The following BANK1 variants were observed in gnomAD, a reference collection of about 807,000 sequenced individuals.
The protein encoded by BANK1 is B-cell scaffold protein with ankyrin repeats.
A neutral mutation model predicts 94.5 loss-of-function variants in BANK1; 95 were observed. That is an observed-to-expected ratio of 1.00 (90% CI 0.85 to 1.19). The LOEUF (loss-of-function observed/expected upper bound fraction) is 1.19, where lower values mean the gene tolerates loss of function less well. Ranked by LOEUF, BANK1 falls within the 50% of genes most tolerant of loss-of-function variation. BANK1 has a pLI of 0.00. For synonymous variants in BANK1, 334 were observed against 308.4 expected (o/e 1.08, Z -0.87); for missense variants, 987 against 932.2 (o/e 1.06, Z -0.77).
chr4:101,855,267 C>G, intron 3 of BANK1, 78 bp downstream of exon 3: 1 of 1,436,808 alleles, frequency 7.0e-7, no homozygotes, highest in Non-Finnish European at 9.4e-7. Flanking sequence ...TTTGGAGAGA[C>G]AGGGTCTCAT....
At chr4:102,035,029 G>T (rs1727452101) in intron 10 of BANK1, among the ~76,000 whole-genome samples, 1 of 152,146 alleles carries the variant, frequency 6.6e-6, no homozygotes. Flanking sequence ...TAGAAACTCT[G>T]AATATTTGGT....
At position 102,074,518 on chromosome 4, in the gene BANK1, T is replaced by C. The variant is rs1728861354; in HGVS notation, c.*519T>C. The C allele has an allele frequency of 6.6e-6, 1 of 152,076 alleles. No individual in the cohort carries two copies. The highest frequency in any genetic ancestry group is 2.4e-5 in the African/African-American group (1 of 41,456). The allele number at this position is 152,076 out of a possible 1,614,324, so 9.4% of individuals were successfully genotyped here. A position where few individuals can be genotyped will look rare whatever the true frequency, so the allele number is the denominator to read the frequency against. On this transcript the variant is annotated 3_prime_UTR_variant, in exon 17 of 17. Coordinates refer to ENST00000322953, the MANE Select transcript of BANK1 (RefSeq NM_017935.5). ...CATGTTTGCAGAAACCTTGTCTTAT[T>C]TAGTGTCTATTTGCATATAACCCTG... is the stretch of plus-strand genomic sequence containing the variant.
At chr4:101,944,016 GTGTGTT>G (rs1282908802) in intron 7 of BANK1, among the ~76,000 whole-genome samples, 1 of 141,510 alleles carries the variant, frequency 7.1e-6, no homozygotes, top group Non-Finnish European at 1.6e-5. Context: ...AAATGTGTGT[GTGTGTT>G]TGTGTGTGTG....
At chr4:101,962,736 G>A (rs150321887) in intron 7 of BANK1, among the ~76,000 whole-genome samples, 8 of 151,958 alleles carry the variant, frequency 5.3e-5, no homozygotes, top group Non-Finnish European at 8.8e-5. Flanking sequence ...ATATACATTC[G>A]TTTCTATTTA....
intron 6 of BANK1, among the ~76,000 whole-genome samples, chr4:101,902,120 A>T (rs1402269375): frequency 6.6e-6 from 1 of 152,102 alleles, no homozygotes; most frequent in Non-Finnish European, 1.5e-5. Context: ...GACTTGTGTC[A>T]TCTTGGAAGC....
At chr4:102,039,181 T>A (rs1727624383) in intron 10 of BANK1, among the ~76,000 whole-genome samples, 1 of 152,132 alleles carries the variant, frequency 6.6e-6, no homozygotes, top group African/African-American at 2.4e-5. Flanking sequence ...TTATACTATG[T>A]GGCTGATGTG....
At position 101,811,931 on chromosome 4, in the gene BANK1, G is replaced by T. The variant is rs147808591; in HGVS notation, c.71-17877G>T. On this transcript the variant is annotated intron_variant, in intron 1 of 16. Coordinates refer to ENST00000322953, the MANE Select transcript of BANK1 (RefSeq NM_017935.5). The stretch of plus-strand genomic sequence containing the variant: ...AAGTTTTTTTAAGGGCAGGAATTGG[G>T]CTTTATAATCTTTTATCTCTTAAAG... Among the ~76,000 whole-genome samples the T allele has an allele frequency of 6.2e-3, 937 of 151,816 alleles. 16 individuals carry two copies. Among genetic ancestry groups the T allele is most frequent in the African/African-American group, 0.021 (891 of 41,454 alleles).
At chr4:101,872,637 G>A (rs967457585) in intron 5 of BANK1, among the ~76,000 whole-genome samples, 8 of 152,106 alleles carry the variant, frequency 5.3e-5, no homozygotes, top group Admixed American at 5.2e-4. Context: ...CTCCTTCAGG[G>A]CATTTGGTTT....
chr4:101,854,356 C>T (rs1469521457), intron 2 of BANK1, among the ~76,000 whole-genome samples: 1 of 152,082 alleles, frequency 6.6e-6, no homozygotes, highest in East Asian at 1.9e-4. Context: ...AGACTAAATG[C>T]TAAATTACTG....
At position 101,870,488 on chromosome 4, in the gene BANK1, TG is replaced by T. The variant is rs773633108; in HGVS notation, c.764-16del. ...CATTATATACTCTGCCCCTAACCCT[TG>T]TTTGTTTTTCATAAGAGTTTCCTGC... On this transcript the variant is annotated splice_polypyrimidine_tract_variant and intron_variant, in intron 4 of 16. Coordinates refer to ENST00000322953, the MANE Select transcript of BANK1 (RefSeq NM_017935.5). 3 of 1,607,128 alleles carry T rather than the reference TG, an allele frequency of 1.9e-6. No individual in the cohort carries two copies. The Admixed American group carries it at 5.1e-5, about 27-fold the overall frequency.
At chr4:101,985,483 T>G (rs931125987) in intron 7 of BANK1, among the ~76,000 whole-genome samples, 1 of 152,138 alleles carries the variant, frequency 6.6e-6, no homozygotes, top group African/African-American at 2.4e-5. Context: ...TTTTCAAAAT[T>G]TATTACTACT....
Position 102,055,469 on chromosome 4 carries a change from C to T in BANK1, c.1970-4742C>T, listed in dbSNP as rs531861903. ...GCCTACTATTAATATTTTTACTTAC[C>T]ATTATCCTGGAAGTTTCTAGCAACT... is the stretch of plus-strand genomic sequence containing the variant. On this transcript the variant is annotated intron_variant, in intron 11 of 16. Coordinates refer to ENST00000322953, the MANE Select transcript of BANK1 (RefSeq NM_017935.5). Among the ~76,000 whole-genome samples, 38 of 151,900 alleles carry T rather than the reference C, an allele frequency of 2.5e-4. 1 individual carries two copies. The South Asian group carries it at 7.9e-3, about 31-fold the overall frequency.
intron 14 of BANK1, among the ~76,000 whole-genome samples, chr4:102,071,511 A>C (rs1728761473): frequency 6.6e-6 from 1 of 152,230 alleles, no homozygotes; most frequent in East Asian, 1.9e-4. Context: ...ATAACGTAAT[A>C]AAAGGACCGT....
chr4:101,950,864 G>A (rs1392176025), intron 7 of BANK1, among the ~76,000 whole-genome samples: 3 of 152,068 alleles, frequency 2.0e-5, no homozygotes, highest in Admixed American at 6.6e-5. Flanking sequence ...GAGGTCTTCC[G>A]CCCCAAAACT....
intron 3 of BANK1, among the ~76,000 whole-genome samples, chr4:101,861,245 G>C (rs1250758893): frequency 1.3e-5 from 2 of 152,202 alleles, no homozygotes; most frequent in African/African-American, 2.4e-5. Flanking sequence ...GTAGATTTTT[G>C]TGTGAGCTGA....
At chr4:101,907,691 A>G (rs900324894) in intron 6 of BANK1, among the ~76,000 whole-genome samples, 2 of 152,252 alleles carry the variant, frequency 1.3e-5, no homozygotes, top group African/African-American at 4.8e-5. Flanking sequence ...TAAGCTGATA[A>G]GCAACTTCAG....
chr4:102,009,993 GCC>G (rs1553940915), intron 7 of BANK1, among the ~76,000 whole-genome samples: 37 of 152,284 alleles, frequency 2.4e-4, no homozygotes, highest in East Asian at 9.6e-4. Flanking sequence ...GTGGCTGGGT[GCC>G]GTGGCTCACG....
chr4:102,039,062 A>T (rs1727617857), intron 10 of BANK1, among the ~76,000 whole-genome samples: 1 of 152,012 alleles, frequency 6.6e-6, no homozygotes, highest in Non-Finnish European at 1.5e-5. Flanking sequence ...CAAGTCAGTG[A>T]TCTCATATAT....
At position 101,830,050 on chromosome 4, in the gene BANK1, C is replaced by A; in HGVS notation, c.313C>A (p.Leu105Ile). The change falls in exon 2 of 17, where the codon CTT becomes ATT. Residue 105 changes from leucine (L) to isoleucine (I), a missense_variant. Leu to Ile is a conservative substitution (Grantham distance 5, BLOSUM62 2). Transcript: ENST00000322953. ...GAAATGTCAGTTTCTGGAAAAGATA[C>A]TTCATTCACCAAAAAGTGTAGTTAC... ...PKKCQFLEKI[L>I]HSPKSVVTLL... 6 of 1,613,858 alleles carry A rather than the reference C, an allele frequency of 3.7e-6. No individual in the cohort carries two copies. Among genetic ancestry groups the A allele is most frequent in the Non-Finnish European group, 5.1e-6 (6 of 1,179,900 alleles).
Sources: gnomAD v4.1 joint callset for allele counts (sites outside exome capture counted in the v4.1 genomes callset) on GRCh38, gnomAD v4.1.1 for gene constraint, MANE v1.5 for transcripts, NCBI Gene and HGNC (gene_info 2026-07-23, HGNC 2026-07-21) for gene names.